Variants in ADD3 observed in about 807,000 individuals in gnomAD.
ADD3 encodes the protein adducin 3.
Under a neutral mutation model 80.2 loss-of-function variants are expected in ADD3, and 25 were observed. That is an observed-to-expected ratio of 0.31 (90% CI 0.23 to 0.44). ADD3 has a LOEUF of 0.44. ADD3 is among the 20% of genes least tolerant of loss of function. ADD3 has a pLI of 1.00. For missense variants in ADD3, 829 were observed against 847.5 expected, an observed-to-expected ratio of 0.98 and a Z score of 0.27; for synonymous variants, 284 against 289.6, an observed-to-expected ratio of 0.98 and a Z score of 0.20.
intron 1 of ADD3, among the ~76,000 whole-genome samples, chr10:110,043,755 T>C (rs1856620167): frequency 6.6e-6 from 1 of 152,192 alleles, no homozygotes; most frequent in Non-Finnish European, 1.5e-5. Flanking sequence ...AAATCAGAAA[T>C]AGATTCTTTT....
chr10:110,114,574 A>C (rs953812230), intron 3 of ADD3, among the ~76,000 whole-genome samples: 1 of 152,200 alleles, frequency 6.6e-6, no homozygotes, highest in Non-Finnish European at 1.5e-5. Context: ...AACAGTCATG[A>C]AATGTGGTGA....
Position 110,119,581 on chromosome 10 carries a change from C to G in ADD3, c.960+17C>G. 2 of 1,593,100 alleles carry G rather than the reference C, an allele frequency of 1.3e-6. No homozygotes were observed. Among genetic ancestry groups the G allele is most frequent in the South Asian group, 2.2e-5 (2 of 89,490 alleles). Reference sequence around the variant, plus strand: ...GAGATTCAGGTAGGAAACATTATTCCCCTTTTTTAATTGCTTTGTTATTTG... The same window carrying G: ...GAGATTCAGGTAGGAAACATTATTCGCCTTTTTTAATTGCTTTGTTATTTG... On this transcript the variant is annotated intron_variant, in intron 8 of 14. Coordinates refer to ENST00000356080, the MANE Select transcript of ADD3 (RefSeq NM_016824.5).
intron 10 of ADD3, among the ~76,000 whole-genome samples, chr10:110,124,541 TGG>T (rs1851901766): frequency 6.6e-6 from 1 of 152,186 alleles, no homozygotes; most frequent in Admixed American, 6.5e-5. Context: ...CATGTTTTAA[TGG>T]TAAACTCGGG....
At chr10:110,050,567 C>T (rs1857405926) in intron 1 of ADD3, among the ~76,000 whole-genome samples, 1 of 145,758 alleles carries the variant, frequency 6.9e-6, no homozygotes, top group Non-Finnish European at 1.5e-5. Flanking sequence ...GGCTGGAGTA[C>T]AGTGGCACAA....
intron 1 of ADD3, chr10:110,075,812 G>T (rs1845321917): frequency 1.3e-5 from 2 of 152,144 alleles, no homozygotes. Flanking sequence ...AAATCATGCT[G>T]TTAGACTATG....
Position 110,047,384 on chromosome 10 carries a change from GCT to G in ADD3, c.-30+39091_-30+39092del, listed in dbSNP as rs141105895. Among the ~76,000 whole-genome samples the G allele has an allele frequency of 3.6e-3, 552 of 152,266 alleles. 3 individuals are homozygous for G. Among genetic ancestry groups the G allele is most frequent in the African/African-American group, 0.012 (519 of 41,552 alleles). On this transcript the variant is annotated intron_variant, in intron 1 of 14. Transcript: ENST00000356080. ...TCTATGACTTTGGGCAAGTCACTTG[GCT>G]CTCTCAGCCTCAGATTGCTCATCTG...
chr10:110,119,583 C>G lies in ADD3; in HGVS notation c.960+19C>G. 1 of 1,587,236 alleles carries G rather than the reference C, an allele frequency of 6.3e-7. No individual in the cohort carries two copies. The highest frequency in any genetic ancestry group is 8.6e-7 in the Non-Finnish European group (1 of 1,158,560). ...GATTCAGGTAGGAAACATTATTCCCCTTTTTTAATTGCTTTGTTATTTGCT... is the reference window on the plus strand; with the variant it reads ...GATTCAGGTAGGAAACATTATTCCCGTTTTTTAATTGCTTTGTTATTTGCT... On this transcript the variant is annotated intron_variant, in intron 8 of 14. Coordinates refer to ENST00000356080, the MANE Select transcript of ADD3 (RefSeq NM_016824.5).
chr10:110,047,603 T>C (rs536229845), intron 1 of ADD3, among the ~76,000 whole-genome samples: 6 of 152,360 alleles, frequency 3.9e-5, no homozygotes, highest in African/African-American at 1.4e-4. Flanking sequence ...CTTTTAATAT[T>C]CTTTGAATCT....
rs1847807196 is a variant in ADD3, at chr10:110,093,559, TC to T, written c.-29-7064del. On this transcript the variant is annotated intron_variant, in intron 1 of 14. Transcript: ENST00000356080. ...ATCTGTCAGGTAAAGAGTTAAGACT[TC>T]CTATATACTGATCAATAGCCAACGT... Among the ~76,000 whole-genome samples, 13 of 152,342 alleles carry T rather than the reference TC, an allele frequency of 8.5e-5. No homozygotes were observed. In the South Asian group the frequency reaches 2.7e-3, roughly 32 times the overall value.
Position 110,133,460 on chromosome 10 carries a change from A to G in ADD3, c.1963A>G (p.Ile655Val), listed in dbSNP as rs766298954. 6.8e-6 allele frequency: 11 copies of G among 1,613,894 alleles called. No homozygotes were observed. The highest frequency in any genetic ancestry group is 2.2e-5 in the South Asian group (2 of 91,076). The stretch of plus-strand genomic sequence containing the variant: ...GAGTAGGTTAAGCACAAGTACAACC[A>G]TAGAAAACATCGAGATTACTATTAA... Reference protein sequence around the residue: ...RVSRLSTSTTIENIEITIKSP... With the variant: ...RVSRLSTSTTVENIEITIKSP... Residue 655 changes from isoleucine (I) to valine (V), a missense_variant, in exon 15 of 15, where the codon ATA becomes GTA. Ile to Val is a conservative substitution (Grantham distance 29). Coordinates refer to ENST00000356080, the MANE Select transcript of ADD3 (RefSeq NM_016824.5).
At chr10:110,080,666 T>A (rs1013024135) in intron 1 of ADD3, among the ~76,000 whole-genome samples, 7 of 152,244 alleles carry the variant, frequency 4.6e-5, no homozygotes, top group African/African-American at 1.7e-4. Context: ...TGGATCCTTA[T>A]AATTTTTCAG....
intron 1 of ADD3, among the ~76,000 whole-genome samples, chr10:110,011,847 G>A (rs945298907): frequency 3.9e-5 from 6 of 152,182 alleles, no homozygotes; most frequent in African/African-American, 1.4e-4. Context: ...GTTTATAGGT[G>A]AGATTGTTAT....
Position 110,053,562 on chromosome 10 carries a change from G to C in ADD3, c.-30+45263G>C, listed in dbSNP as rs181571444. Among the ~76,000 whole-genome samples the C allele has an allele frequency of 1.1e-3, 173 of 152,076 alleles. 2 individuals carry two copies. Among genetic ancestry groups the C allele is most frequent in the African/African-American group, 4.0e-3 (168 of 41,498 alleles). ...ACATTTTCTCTCACAGGGTGTACTT[G>C]TGTTATAAATTTGTTTTTATAGCTT... On this transcript the variant is annotated intron_variant, in intron 1 of 14. Coordinates refer to ENST00000356080, the MANE Select transcript of ADD3 (RefSeq NM_016824.5).
intron 1 of ADD3, among the ~76,000 whole-genome samples, chr10:110,013,961 T>G (rs1309468806): frequency 1.3e-5 from 2 of 152,250 alleles, no homozygotes; most frequent in Non-Finnish European, 2.9e-5. Context: ...TGTGCAGTTC[T>G]TCCACAATGG....
chr10:110,008,415 A>G (rs1851896087), intron 1 of ADD3, 116 bp downstream of exon 1: 1 of 152,288 alleles, frequency 6.6e-6, no homozygotes, highest in African/African-American at 2.4e-5. Flanking sequence ...GGGGGTAGGG[A>G]GCGGCGGCTG....
intron 1 of ADD3, among the ~76,000 whole-genome samples, chr10:110,096,869 A>G (rs1848232339): frequency 6.6e-6 from 1 of 152,186 alleles, no homozygotes; most frequent in Admixed American, 6.5e-5. Flanking sequence ...ACAGAGCCCA[A>G]ATCAGGAGTC....
At chr10:110,083,644 G>GT (rs1156840890) in intron 1 of ADD3, among the ~76,000 whole-genome samples, 3 of 152,072 alleles carry the variant, frequency 2.0e-5, no homozygotes, top group Non-Finnish European at 4.4e-5. Context: ...CTTTCCTATC[G>GT]TTTTTTCAGG....
chr10:110,128,049 A>ATTTTTTTTTTTTTTT, intron 12 of ADD3, among the ~76,000 whole-genome samples: 1 of 106,014 alleles, frequency 9.4e-6, no homozygotes, highest in Non-Finnish European at 1.9e-5. Context: ...TTTGTTTAGG[A>ATTTTTTTTTTTTTTT]TTTTTTTTTT....
intron 3 of ADD3, 70 bp downstream of exon 3, chr10:110,112,985 C>T: frequency 6.6e-6 from 10 of 1,508,004 alleles, no homozygotes; most frequent in Non-Finnish European, 7.2e-6. Flanking sequence ...ACATCTCTAG[C>T]AGCATATTCT....
Sources: gnomAD v4.1 joint callset for allele counts (sites outside exome capture counted in the v4.1 genomes callset) on GRCh38, gnomAD v4.1.1 for gene constraint, MANE v1.5 for transcripts, NCBI Gene and HGNC (gene_info 2026-07-23, HGNC 2026-07-21) for gene names.